RIMS1: variants seen among roughly 807,000 people sequenced by gnomAD.
The protein encoded by RIMS1 is regulating synaptic membrane exocytosis protein 1.
In RIMS1, 83 loss-of-function variants were observed where a neutral mutation model predicts 214.1. The ratio of observed to expected loss-of-function variants is 0.39; its 90% CI spans 0.32 to 0.47. The LOEUF is 0.47. Ranked by LOEUF, RIMS1 falls within the 20% of genes least tolerant of loss-of-function variation. RIMS1 has a pLI of 0.99. For synonymous variants in RIMS1, 793 were observed against 786.8 expected, an observed-to-expected ratio of 1.01 and a Z score of -0.13; for missense variants, 2,050 against 2,161.8, an observed-to-expected ratio of 0.95 and a Z score of 1.03.
chr6:71,991,897 C>T (rs1368196942), intron 2 of RIMS1, among the ~76,000 whole-genome samples: 1 of 152,106 alleles, frequency 6.6e-6, no homozygotes, highest in Non-Finnish European at 1.5e-5. Flanking sequence ...AACCCTGTCT[C>T]TAATAAAAAT....
intron 28 of RIMS1, among the ~76,000 whole-genome samples, chr6:72,325,492 C>T (rs2096414106): frequency 6.6e-6 from 1 of 150,974 alleles, no homozygotes; most frequent in South Asian, 2.1e-4. Context: ...ATGAATTTTG[C>T]AGAGTCACTG....
rs1175834193 is a variant in RIMS1 at position 72,275,150 on chromosome 6, A to G, written c.3482+718A>G. Reference sequence around the variant, plus strand: ...TATATATATATATATATATATATATATATATATATATATATATATATATAT... The same window carrying G: ...TATATATATATATATATATATATATGTATATATATATATATATATATATAT... On this transcript the variant is annotated intron_variant, in intron 23 of 33. Coordinates refer to ENST00000521978, the MANE Select transcript of RIMS1 (RefSeq NM_014989.7). Among the ~76,000 whole-genome samples the G allele has an allele frequency of 8.9e-4, 40 of 44,888 alleles. 3 individuals carry two copies. The highest frequency in any genetic ancestry group is 4.2e-3 in the African/African-American group (37 of 8,894). The allele number at this position is 44,888 out of a possible 152,430, so 29.4% of individuals were successfully genotyped here.
intron 6 of RIMS1, among the ~76,000 whole-genome samples, chr6:72,184,712 A>T (rs2048853093): frequency 6.6e-6 from 1 of 152,010 alleles, no homozygotes; most frequent in Admixed American, 6.6e-5. Context: ...ATTATTGAGG[A>T]GAAAGGATAT....
chr6:72,212,379 G>A (rs1373265836), intron 6 of RIMS1, among the ~76,000 whole-genome samples: 1 of 151,314 alleles, frequency 6.6e-6, no homozygotes, highest in African/African-American at 2.4e-5. Flanking sequence ...AAAAATAATA[G>A]GAAGAGGGAA....
At chr6:72,034,121 G>T (rs547565006) in intron 2 of RIMS1, among the ~76,000 whole-genome samples, 28 of 152,192 alleles carry the variant, frequency 1.8e-4, no homozygotes, top group African/African-American at 6.5e-4. Flanking sequence ...CCTCAAATGA[G>T]TGATTCATTT....
intron 23 of RIMS1, among the ~76,000 whole-genome samples, chr6:72,280,889 T>C (rs2089783256): frequency 6.6e-6 from 1 of 152,164 alleles, no homozygotes; most frequent in African/African-American, 2.4e-5. Context: ...ATTCTAGTTC[T>C]GTGTAATACT....
intron 6 of RIMS1, among the ~76,000 whole-genome samples, chr6:72,201,736 A>G (rs2052017551): frequency 6.6e-6 from 1 of 152,128 alleles, no homozygotes; most frequent in African/African-American, 2.4e-5. Context: ...TCTGGGCTCA[A>G]CCCTAACAAT....
chr6:72,274,361 C>T lies in RIMS1; in HGVS notation c.3411C>T (p.Ser1137=). Residue 1137 remains serine, a synonymous_variant, in exon 23 of 34, where the codon TCC becomes TCT. Transcript: ENST00000521978. ...ACTGGGCAAACAGGGGTAGATGGTCCCCCTCCCTAGATAGGAGACGACCTC... is the reference window on the plus strand; with the variant it reads ...ACTGGGCAAACAGGGGTAGATGGTCTCCCTCCCTAGATAGGAGACGACCTC... ...HSPERERGRW[S]PSLDRRRPPS... 1 of 1,610,864 alleles carries T rather than the reference C, an allele frequency of 6.2e-7. No homozygotes were observed. The highest frequency in any genetic ancestry group is 8.5e-7 in the Non-Finnish European group (1 of 1,177,806).
chr6:71,996,813 A>C (rs2151678264), intron 2 of RIMS1, among the ~76,000 whole-genome samples: 1 of 152,296 alleles, frequency 6.6e-6, no homozygotes. Flanking sequence ...GGGGAAAAAA[A>C]GGAGTCTTAC....
intron 29 of RIMS1, among the ~76,000 whole-genome samples, chr6:72,381,190 G>T (rs775671391): frequency 6.6e-6 from 1 of 152,112 alleles, no homozygotes; most frequent in Non-Finnish European, 1.5e-5. Flanking sequence ...TCCTAGGGTG[G>T]TCCCTCTTGT....
At chr6:72,104,741 T>C (rs2034375614) in intron 4 of RIMS1, among the ~76,000 whole-genome samples, 1 of 152,216 alleles carries the variant, frequency 6.6e-6, no homozygotes, top group African/African-American at 2.4e-5. Flanking sequence ...CAGATGTTTC[T>C]ACATTTGCTG....
intron 28 of RIMS1, among the ~76,000 whole-genome samples, chr6:72,331,187 C>G (rs1202564910): frequency 6.6e-6 from 1 of 151,682 alleles, no homozygotes; most frequent in Non-Finnish European, 1.5e-5. Context: ...TACTCTTAAA[C>G]TTCTTTATAA....
In RIMS1 at chr6:71,933,727, T is replaced by C. The variant is rs533761001; in HGVS notation, c.165-35256T>C. ...ACACACACACACACACAAGTTGTATTAAAATACAATATGAAATTAGCTTCA... is the reference window on the plus strand; with the variant it reads ...ACACACACACACACACAAGTTGTATCAAAATACAATATGAAATTAGCTTCA... On this transcript the variant is annotated intron_variant, in intron 1 of 33. Transcript: ENST00000521978. Among the ~76,000 whole-genome samples, 3 of 139,410 alleles carry C rather than the reference T, an allele frequency of 2.2e-5. No homozygotes were observed. The South Asian group carries it at 6.8e-4, about 31-fold the overall frequency. 91.5% of individuals were successfully genotyped at this position (139,410 alleles called of 152,430 possible). A position where few individuals can be genotyped will look rare whatever the true frequency, so the allele number is the denominator to read the frequency against.
At chr6:72,028,443 G>A (rs73547373) in intron 2 of RIMS1, among the ~76,000 whole-genome samples, 1,827 of 152,228 alleles carry the variant, frequency 0.012, 41 homozygotes, top group African/African-American at 0.041. Flanking sequence ...TTTGCAGTGT[G>A]AAATTTCATA....
intron 28 of RIMS1, among the ~76,000 whole-genome samples, chr6:72,322,749 G>C (rs1385163280): frequency 3.9e-5 from 6 of 151,994 alleles, no homozygotes; most frequent in Non-Finnish European, 5.9e-5. Context: ...TTTCCAATTT[G>C]GTGACATAGG....
intron 2 of RIMS1, among the ~76,000 whole-genome samples, chr6:72,041,124 T>C (rs1043497666): frequency 5.9e-5 from 9 of 151,898 alleles, no homozygotes; most frequent in Non-Finnish European, 1.3e-4. Context: ...ATTAAGTAGC[T>C]CCAGATGGGC....
At chr6:72,135,276 G>A (rs2041100835) in intron 4 of RIMS1, among the ~76,000 whole-genome samples, 2 of 151,998 alleles carry the variant, frequency 1.3e-5, no homozygotes, top group Non-Finnish European at 2.9e-5. Context: ...GATAAAAGCT[G>A]GAGAGTTTAT....
At chr6:72,336,657 G>T (rs117473546) in intron 29 of RIMS1, among the ~76,000 whole-genome samples, 2 of 151,634 alleles carry the variant, frequency 1.3e-5, no homozygotes, top group African/African-American at 4.8e-5. Flanking sequence ...CTTTCTATGT[G>T]TAAAATTTTA....
In RIMS1 at chr6:72,025,211, C is replaced by G. The variant is rs151220606; in HGVS notation, c.245+56148C>G. On this transcript the variant is annotated intron_variant, in intron 2 of 33. Transcript: ENST00000521978. Reference sequence around the variant, plus strand: ...AGCCACCGCACCTGGCCAAAGTCTGCGTTCCTTTTTTGCCACGTGCTCCTT... The same window carrying G: ...AGCCACCGCACCTGGCCAAAGTCTGGGTTCCTTTTTTGCCACGTGCTCCTT... 1.9e-3 allele frequency among the ~76,000 whole-genome samples: 290 copies of G among 152,160 alleles called. 4 individuals are homozygous for G. Among genetic ancestry groups the G allele is most frequent in the Admixed American group, 0.017 (252 of 15,268 alleles).
Sources: allele counts gnomAD v4.1 joint callset (sites outside exome capture counted in the v4.1 genomes callset), GRCh38; gene constraint gnomAD v4.1.1; transcripts MANE v1.5; gene names NCBI Gene and HGNC (gene_info 2026-07-23, HGNC 2026-07-21).